Variants in USP12 observed in about 807,000 individuals in gnomAD.
The protein encoded by USP12 is ubiquitin carboxyl-terminal hydrolase 12.
Under a neutral mutation model 45.5 loss-of-function variants are expected in USP12, and 19 were observed. The observed-to-expected ratio is 0.42, with a 90% CI of 0.29 to 0.61. The LOEUF is 0.61. Among genes scored for constraint, USP12 ranks in the 20% least tolerant of loss-of-function variants. The pLI, the probability that USP12 is intolerant of heterozygous loss-of-function variation, is 0.22. For missense variants in USP12, 242 were observed against 447.7 expected (o/e 0.54, Z 4.15); for synonymous variants, 149 against 148.8 (o/e 1.00, Z -0.01).
rs568582354 is a variant in USP12 at position 27,119,599 on chromosome 13, T to G, written c.49-3003A>C. ...AAAACTATTCAGAAAATTAAAAGAT[T>G]ATGTGATTTCTAAAATCCCTTCTCA... On this transcript the variant is annotated intron_variant, in intron 1 of 8. Coordinates refer to ENST00000282344, the MANE Select transcript of USP12 (RefSeq NM_182488.4). Among the ~76,000 whole-genome samples, 3 of 152,366 alleles carry G rather than the reference T, an allele frequency of 2.0e-5. No individual in the cohort carries two copies. In the East Asian group the frequency reaches 5.8e-4, roughly 29 times the overall value.
At chr13:27,111,901 G>C (rs1186120791) in intron 2 of USP12, among the ~76,000 whole-genome samples, 1 of 151,674 alleles carries the variant, frequency 6.6e-6, no homozygotes, top group Non-Finnish European at 1.5e-5. Flanking sequence ...TGGTTTTAAT[G>C]GCTATCAAAA....
At chr13:27,106,276 A>C (rs952995188) in intron 2 of USP12, among the ~76,000 whole-genome samples, 1 of 152,086 alleles carries the variant, frequency 6.6e-6, no homozygotes, top group Non-Finnish European at 1.5e-5. Context: ...CACAGTATTC[A>C]TGATGTATTG....
chr13:27,077,383 G>C (rs1464001741), intron 6 of USP12: 1 of 152,114 alleles, frequency 6.6e-6, no homozygotes, highest in African/African-American at 2.4e-5. Context: ...GGTAAGATTA[G>C]GAGGAGGAAA....
chr13:27,137,523 G>A (rs532882245), intron 1 of USP12, among the ~76,000 whole-genome samples: 102 of 152,254 alleles, frequency 6.7e-4, no homozygotes, highest in African/African-American at 2.3e-3. Context: ...ATACTTAAAT[G>A]AAAGTAGACA....
At chr13:27,081,385 CTCAT>C (rs1270903871) in intron 6 of USP12, among the ~76,000 whole-genome samples, 1 of 152,334 alleles carries the variant, frequency 6.6e-6, no homozygotes, top group African/African-American at 2.4e-5. Flanking sequence ...GAAGCAACTT[CTCAT>C]TCATTCAAGT....
At chr13:27,103,661 C>T (rs911548706) in intron 3 of USP12, among the ~76,000 whole-genome samples, 7 of 142,886 alleles carry the variant, frequency 4.9e-5, no homozygotes, top group Non-Finnish European at 6.1e-5. Context: ...GCCTGTAATC[C>T]AACACTTTGG....
intron 2 of USP12, among the ~76,000 whole-genome samples, chr13:27,106,481 T>C (rs1282524237): frequency 6.6e-6 from 1 of 152,142 alleles, no homozygotes; most frequent in African/African-American, 2.4e-5. Context: ...TTGCCTTCCT[T>C]TTCCCTTCCA....
chr13:27,141,275 A>C (rs1361285912), intron 1 of USP12, among the ~76,000 whole-genome samples: 1 of 152,140 alleles, frequency 6.6e-6, no homozygotes, highest in East Asian at 1.9e-4. Flanking sequence ...TCAGCCTCCC[A>C]AAGTGTTGGG....
Position 27,171,661 on chromosome 13 carries a change from C to G in USP12, c.-22G>C. ...CCATCCGGCCAGCGCCATCTTCCAC[C>G]CAATCACAGCGGCGGCGGCGGGCGG... On this transcript the variant is annotated 5_prime_UTR_variant, in exon 1 of 9. Coordinates refer to ENST00000282344, the MANE Select transcript of USP12 (RefSeq NM_182488.4). 1 of 1,273,002 alleles carries G rather than the reference C, an allele frequency of 7.9e-7. No homozygotes were observed. The allele number at this position is 1,273,002 out of a possible 1,614,324, so 78.9% of individuals were successfully genotyped here. A position where few individuals can be genotyped will look rare whatever the true frequency, so the allele number is the denominator to read the frequency against.
intron 1 of USP12, among the ~76,000 whole-genome samples, chr13:27,120,635 A>G (rs1390304731): frequency 6.6e-6 from 1 of 152,068 alleles, no homozygotes; most frequent in Non-Finnish European, 1.5e-5. Context: ...AAAAAAAAAA[A>G]AAGTTCTGCT....
chr13:27,171,578 T>C lies in USP12; in HGVS notation c.48+14A>G, dbSNP rs374087243. The C allele has an allele frequency of 1.1e-4, 129 of 1,222,952 alleles. No individual in the cohort carries two copies. Among genetic ancestry groups the C allele is most frequent in the Middle Eastern group, 3.8e-4 (1 of 2,622 alleles). 75.8% of individuals were successfully genotyped at this position (1,222,952 alleles called of 1,614,324 possible). On this transcript the variant is annotated intron_variant, in intron 1 of 8. Transcript: ENST00000282344. ...GGTCCCGGCAGCCCCGGCCGCCCGC[T>C]CGCCGCCACCTACCATGGTACAGAT... is the stretch of plus-strand genomic sequence containing the variant.
chr13:27,073,836 C>A (rs1646719649), intron 7 of USP12, among the ~76,000 whole-genome samples: 1 of 152,130 alleles, frequency 6.6e-6, no homozygotes, highest in Middle Eastern at 3.2e-3. Context: ...TTTCAGGAAG[C>A]TATGCATAAC....
chr13:27,133,081 T>C (rs1173319129), intron 1 of USP12, among the ~76,000 whole-genome samples: 1 of 152,254 alleles, frequency 6.6e-6, no homozygotes, highest in African/African-American at 2.4e-5. Context: ...TTCTCTCTCC[T>C]GCTGTAACTT....
At chr13:27,101,966 C>T (rs1257324396) in intron 3 of USP12, among the ~76,000 whole-genome samples, 1 of 152,162 alleles carries the variant, frequency 6.6e-6, no homozygotes, top group Non-Finnish European at 1.5e-5. Flanking sequence ...ATCCCTAGGA[C>T]TGACAACCGT....
At chr13:27,075,659 A>G (rs1873444929) in intron 6 of USP12, among the ~76,000 whole-genome samples, 1 of 152,186 alleles carries the variant, frequency 6.6e-6, no homozygotes, top group African/African-American at 2.4e-5. Flanking sequence ...GAATGGCGTT[A>G]GTCCTTGGTT....
At chr13:27,117,616 C>T (rs1384567595) in intron 1 of USP12, 3 of 284,564 alleles carry the variant, frequency 1.1e-5, no homozygotes, top group South Asian at 3.3e-5. Flanking sequence ...AAAACACCAA[C>T]GTGTGTGTGT....
chr13:27,158,358 G>A (rs1030559315), intron 1 of USP12, among the ~76,000 whole-genome samples: 6 of 152,162 alleles, frequency 3.9e-5, no homozygotes, highest in South Asian at 4.1e-4. Flanking sequence ...CAACCCTGTC[G>A]ACATCCTGAT....
Position 27,105,808 on chromosome 13 carries a change from T to C in USP12, c.266A>G (p.His89Arg). 1.2e-6 allele frequency: 2 copies of C among 1,613,924 alleles called. No individual in the cohort carries two copies. The highest frequency in any genetic ancestry group is 1.1e-5 in the South Asian group (1 of 91,076). The change falls in exon 3 of 9, where the codon CAT becomes CGT. Residue 89 changes from histidine (H) to arginine (R), a missense_variant. By Grantham distance (29) the His-to-Arg change is conservative (BLOSUM62 0). Around this residue, in one of 5 missense-constraint regions of USP12, gnomAD observed 77 missense variants for 153.7 expected, o/e 0.50. Coordinates refer to ENST00000282344, the MANE Select transcript of USP12 (RefSeq NM_182488.4). ...SLLTCLADLFHSIATQKKKVG... is the reference protein window; with the variant it reads ...SLLTCLADLFRSIATQKKKVG... ...CTTTTTCTTCTGAGTGGCTATGCTA[T>C]GGAAGAGATCTGCTAAGCATGTAAG...
chr13:27,171,570 C>T, intron 1 of USP12, 22 bp downstream of exon 1: 3 of 1,243,424 alleles, frequency 2.4e-6, no homozygotes, highest in South Asian at 1.4e-5. Flanking sequence ...GCAGCCCCGG[C>T]CGCCCGCTCG....
Sources: gnomAD v4.1 joint callset for allele counts (sites outside exome capture counted in the v4.1 genomes callset) on GRCh38, gnomAD v4.1.1 for gene constraint, gnomAD v4.1.1 regional missense constraint, MANE v1.5 for transcripts, NCBI Gene and HGNC (gene_info 2026-07-23, HGNC 2026-07-21) for gene names.